The following UBE2D4 variants were observed in gnomAD, a reference collection of about 807,000 sequenced individuals.
UBE2D4 encodes the protein ubiquitin conjugating enzyme E2 D4.
A neutral mutation model predicts 23.0 loss-of-function variants in UBE2D4; 17 were observed. That is an observed-to-expected ratio of 0.74 (90% CI 0.51 to 1.11). The LOEUF (loss-of-function observed/expected upper bound fraction) is 1.11. Among genes scored for constraint, UBE2D4 ranks in the 50% least tolerant of loss-of-function variants. The pLI is 0.00. For missense variants in UBE2D4, 139 were observed against 181.8 expected, an observed-to-expected ratio of 0.76 and a Z score of 1.35; for synonymous variants, 61 against 69.4, an observed-to-expected ratio of 0.88 and a Z score of 0.60.
At chr7:43,933,558 T>C (rs948858873) in intron 1 of UBE2D4, among the ~76,000 whole-genome samples, 1 of 152,018 alleles carries the variant, frequency 6.6e-6, no homozygotes, top group African/African-American at 2.4e-5. Flanking sequence ...CTGGCCAACA[T>C]GGTGAAACTC....
intron 4 of UBE2D4, among the ~76,000 whole-genome samples, chr7:43,947,721 A>G (rs576895719): frequency 2.6e-5 from 4 of 152,354 alleles, no homozygotes; most frequent in African/African-American, 9.6e-5. Context: ...TCACTACTGA[A>G]TCAAATGGCA....
chr7:43,952,229 A>G (rs144516711), intron 6 of UBE2D4: 42 of 200,394 alleles, frequency 2.1e-4, no homozygotes, highest in African/African-American at 9.4e-4. Flanking sequence ...GACTGTACTG[A>G]TGCACACCCC....
intron 4 of UBE2D4, among the ~76,000 whole-genome samples, chr7:43,945,131 T>G (rs1025666616): frequency 3.3e-5 from 5 of 152,134 alleles, no homozygotes; most frequent in African/African-American, 7.2e-5. Flanking sequence ...TAGCTGAGAT[T>G]ACAGGCACCC....
chr7:43,949,906 GT>G (rs1231727786), intron 5 of UBE2D4, among the ~76,000 whole-genome samples: 1 of 152,070 alleles, frequency 6.6e-6, no homozygotes, highest in Non-Finnish European at 1.5e-5. Context: ...CCAGGGTGGA[GT>G]GCAATGGCGC....
At chr7:43,929,928 G>A (rs778531101) in intron 1 of UBE2D4, among the ~76,000 whole-genome samples, 10 of 152,176 alleles carry the variant, frequency 6.6e-5, no homozygotes, top group Non-Finnish European at 1.2e-4. Context: ...GCAAGTGACA[G>A]AGGCTGAGCT....
chr7:43,953,663 G>A lies in UBE2D4; in HGVS notation c.*968G>A, dbSNP rs115498935. 235 of 156,970 alleles carry A rather than the reference G, an allele frequency of 1.5e-3. No individual in the cohort carries two copies. The highest frequency in any genetic ancestry group is 4.8e-3 in the African/African-American group (201 of 41,632). The allele number at this position is 156,970 out of a possible 1,614,324, so 9.7% of individuals were successfully genotyped here. ...GCCTTAAATTACAATAGCCTGTTAG[G>A]TGATCGGCTTTCTGCCTTGGCTTTC... On this transcript the variant is annotated 3_prime_UTR_variant, in exon 7 of 7. Transcript: ENST00000222402.
chr7:43,936,310 G>C (rs1292476919), intron 1 of UBE2D4, among the ~76,000 whole-genome samples: 8 of 152,098 alleles, frequency 5.3e-5, no homozygotes, highest in African/African-American at 1.9e-4. Context: ...GAGTCTTGGA[G>C]TTGACGAAAC....
intron 6 of UBE2D4, chr7:43,952,403 G>A (rs1178327719): frequency 7.0e-6 from 3 of 431,390 alleles, no homozygotes; most frequent in South Asian, 3.1e-5. Flanking sequence ...ATCTTCCACA[G>A]CAGATAGTTA....
intron 2 of UBE2D4, 33 bp from the exon 3 acceptor site, chr7:43,942,793 C>G: frequency 6.2e-7 from 1 of 1,614,098 alleles, no homozygotes. Context: ...CTTGGGGGGT[C>G]TCTTACATGC....
chr7:43,935,111 T>C (rs527748510), intron 1 of UBE2D4, among the ~76,000 whole-genome samples: 1 of 152,348 alleles, frequency 6.6e-6, no homozygotes, highest in South Asian at 2.1e-4. Context: ...TTGTCTGTAT[T>C]ATACATTTTA....
intron 2 of UBE2D4, among the ~76,000 whole-genome samples, chr7:43,940,549 C>T (rs1189250233): frequency 6.6e-6 from 1 of 152,284 alleles, no homozygotes. Flanking sequence ...ACAGTCAGAC[C>T]TCAGTGGATG....
At chr7:43,929,691 T>C (rs1288038334) in intron 1 of UBE2D4, among the ~76,000 whole-genome samples, 1 of 152,170 alleles carries the variant, frequency 6.6e-6, no homozygotes, top group Non-Finnish European at 1.5e-5. Context: ...GCCCCAGGCT[T>C]GGATGGGCTC....
intron 1 of UBE2D4, 100 bp downstream of exon 1, chr7:43,926,656 A>T (rs568419799): frequency 7.7e-7 from 1 of 1,293,378 alleles, no homozygotes; most frequent in South Asian, 1.5e-5. Context: ...AGGCTCCGCG[A>T]GTCGCGGATA....
At chr7:43,950,429 C>T (rs756177018) in intron 5 of UBE2D4, among the ~76,000 whole-genome samples, 170 bp from the exon 6 acceptor site, 10 of 152,094 alleles carry the variant, frequency 6.6e-5, no homozygotes, top group Non-Finnish European at 1.2e-4. Context: ...AGGACCACCT[C>T]GGCTGATACA....
chr7:43,953,283 G>A lies in UBE2D4; in HGVS notation c.*588G>A. On this transcript the variant is annotated 3_prime_UTR_variant, in exon 7 of 7. Transcript: ENST00000222402. ...GTCTCCTCCTGCAGTGCCACGTGGT[G>A]GCATTTCTCGCCTCACACCAAGAAG... 1 of 443,294 alleles carries A rather than the reference G, an allele frequency of 2.3e-6. No homozygotes were observed. Among genetic ancestry groups the A allele is most frequent in the Non-Finnish European group, 4.5e-6 (1 of 221,002 alleles). 27.5% of individuals were successfully genotyped at this position (443,294 alleles called of 1,614,324 possible). A position where few individuals can be genotyped will look rare whatever the true frequency, so the allele number is the denominator to read the frequency against.
intron 1 of UBE2D4, among the ~76,000 whole-genome samples, chr7:43,932,992 A>AT (rs1409484148): frequency 9.7e-6 from 1 of 103,440 alleles, no homozygotes; most frequent in East Asian, 3.1e-4. Context: ...AAGTATATAT[A>AT]TATATATATA....
chr7:43,949,635 A>G (rs540865146), intron 5 of UBE2D4, among the ~76,000 whole-genome samples: 4 of 152,330 alleles, frequency 2.6e-5, no homozygotes, highest in African/African-American at 4.8e-5. Context: ...TTGGAATCAT[A>G]TGGTGAGTCG....
intron 1 of UBE2D4, among the ~76,000 whole-genome samples, chr7:43,931,048 C>T (rs1251760586): frequency 6.6e-6 from 1 of 151,224 alleles, no homozygotes; most frequent in South Asian, 2.1e-4. Flanking sequence ...TGCTTGAACC[C>T]GGGAGGCAGA....
chr7:43,942,529 T>C, intron 2 of UBE2D4: 1 of 556,200 alleles, frequency 1.8e-6, no homozygotes, highest in Non-Finnish European at 3.2e-6. Context: ...GAGTAACACA[T>C]CCTGACTCCA....
Sources: allele counts gnomAD v4.1 joint callset (sites outside exome capture counted in the v4.1 genomes callset), GRCh38; gene constraint gnomAD v4.1.1; transcripts MANE v1.5; gene names NCBI Gene and HGNC (gene_info 2026-07-23, HGNC 2026-07-21).